CTIF: variants seen among roughly 807,000 people sequenced by gnomAD.
The protein encoded by CTIF is CBP80/20-dependent translation initiation factor.
Under a neutral mutation model 66.0 loss-of-function variants are expected in CTIF, and 21 were observed. That is an observed-to-expected ratio of 0.32 (90% CI 0.23 to 0.46). The LOEUF (loss-of-function observed/expected upper bound fraction) is 0.46, where lower values mean the gene tolerates loss of function less well. CTIF is among the 20% of genes least tolerant of loss of function. The probability of loss-of-function intolerance (pLI) is 1.00; values close to 1 mark genes in which losing one functional copy is unlikely to be tolerated. For synonymous variants in CTIF, 345 were observed against 326.4 expected, an observed-to-expected ratio of 1.06 and a Z score of -0.62; for missense variants, 739 against 812.7, an observed-to-expected ratio of 0.91 and a Z score of 1.10.
At chr18:48,814,849 T>G (rs2068329372) in intron 9 of CTIF, among the ~76,000 whole-genome samples, 2 of 152,164 alleles carry the variant, frequency 1.3e-5, no homozygotes, top group African/African-American at 4.8e-5. Context: ...TGTGGTCCCT[T>G]TTCACCCTGG....
chr18:48,664,351 G>A (rs567027080), intron 4 of CTIF, 96 bp from the exon 5 acceptor site: 2 of 1,120,846 alleles, frequency 1.8e-6, no homozygotes, highest in Admixed American at 3.5e-5. Flanking sequence ...CCTTTCTGCG[G>A]ATCTGCTCTG....
At chr18:48,723,336 GATGAATGA>G (rs150039010) in intron 7 of CTIF, among the ~76,000 whole-genome samples, 38 of 151,850 alleles carry the variant, frequency 2.5e-4, no homozygotes, top group African/African-American at 7.5e-4. Context: ...CATTCAAAGG[GATGAATGA>G]ATGAATGAAT....
chr18:48,662,101 G>C (rs1413492223), intron 3 of CTIF: 1 of 152,326 alleles, frequency 6.6e-6, no homozygotes, highest in African/African-American at 2.4e-5. Flanking sequence ...AGGGCAGAGC[G>C]AGGTGACTGC....
At chr18:48,614,638 T>C (rs560582094) in intron 1 of CTIF, among the ~76,000 whole-genome samples, 1 of 152,350 alleles carries the variant, frequency 6.6e-6, no homozygotes, top group South Asian at 2.1e-4. Context: ...TATTGCATGA[T>C]TCCTCTTATA....
intron 6 of CTIF, among the ~76,000 whole-genome samples, chr18:48,709,400 G>A (rs1408033586): frequency 6.6e-6 from 1 of 152,282 alleles, no homozygotes; most frequent in East Asian, 1.9e-4. Flanking sequence ...GACAGGGTTA[G>A]CTCCCCATGG....
At chr18:48,581,009 C>T (rs999984333) in intron 1 of CTIF, among the ~76,000 whole-genome samples, 1 of 152,172 alleles carries the variant, frequency 6.6e-6, no homozygotes, top group East Asian at 1.9e-4. Context: ...CAGTACTGCC[C>T]GGGGGCTGTC....
At chr18:48,666,901 C>A (rs1252925489) in intron 5 of CTIF, among the ~76,000 whole-genome samples, 2 of 152,172 alleles carry the variant, frequency 1.3e-5, no homozygotes, top group African/African-American at 2.4e-5. Context: ...CTCAGTGGGT[C>A]AGCTTCAGGA....
intron 2 of CTIF, among the ~76,000 whole-genome samples, chr18:48,631,165 C>T (rs2144567422): frequency 6.6e-6 from 1 of 152,326 alleles, no homozygotes; most frequent in African/African-American, 2.4e-5. Context: ...CTTTCCCAAT[C>T]TCTGCTCATA....
chr18:48,644,771 G>T (rs960196410), intron 3 of CTIF, among the ~76,000 whole-genome samples: 1 of 152,214 alleles, frequency 6.6e-6, no homozygotes, highest in South Asian at 2.1e-4. Context: ...GTAGGCTGGT[G>T]TCCGCACAGG....
chr18:48,672,970 C>T (rs899036441), intron 6 of CTIF, among the ~76,000 whole-genome samples: 21 of 152,152 alleles, frequency 1.4e-4, no homozygotes, highest in Non-Finnish European at 2.8e-4. Flanking sequence ...CACCAGCAGG[C>T]GGTTCCCTCT....
chr18:48,569,217 G>A (rs1176945328), intron 1 of CTIF, among the ~76,000 whole-genome samples: 1 of 152,152 alleles, frequency 6.6e-6, no homozygotes, highest in South Asian at 2.1e-4. Context: ...TACGAATTTG[G>A]TGAGTTCACA....
At chr18:48,692,338 A>AAAAAAC (rs1491151016) in intron 6 of CTIF, among the ~76,000 whole-genome samples, 3 of 75,124 alleles carry the variant, frequency 4.0e-5, no homozygotes, top group African/African-American at 1.6e-4. Flanking sequence ...AACAAAAAAC[A>AAAAAAC]AAAAAAAAAA....
At chr18:48,557,221 G>A (rs374703496) in intron 1 of CTIF, among the ~76,000 whole-genome samples, 136 of 152,208 alleles carry the variant, frequency 8.9e-4, no homozygotes, top group African/African-American at 3.2e-3. Flanking sequence ...AAGGCCCCCT[G>A]CAAAACTTGT....
chr18:48,756,362 T>G (rs909567181), intron 7 of CTIF: 2 of 152,178 alleles, frequency 1.3e-5, no homozygotes, highest in Non-Finnish European at 2.9e-5. Context: ...AAAAAAATAA[T>G]GCATTTAACC....
intron 2 of CTIF, chr18:48,621,591 A>C: frequency 2.6e-6 from 1 of 381,682 alleles, no homozygotes. Flanking sequence ...CCAGGAGGGG[A>C]GTCGAGGGAG....
chr18:48,566,161 CAGTG>C (rs2089275628), intron 1 of CTIF: 1 of 152,252 alleles, frequency 6.6e-6, no homozygotes, highest in Non-Finnish European at 1.5e-5. Context: ...ACTACTTTCT[CAGTG>C]AGTGTCAGTG....
At chr18:48,851,017 C>T (rs1159737166) in intron 10 of CTIF, among the ~76,000 whole-genome samples, 1 of 152,242 alleles carries the variant, frequency 6.6e-6, no homozygotes, top group African/African-American at 2.4e-5. Flanking sequence ...TGCAAGAGGG[C>T]CTCTCGCACA....
intron 7 of CTIF, among the ~76,000 whole-genome samples, chr18:48,733,394 G>A (rs2092472534): frequency 6.6e-6 from 1 of 152,206 alleles, no homozygotes; most frequent in Admixed American, 6.5e-5. Flanking sequence ...CGCAGCCTGA[G>A]TGTTGAATAG....
At chr18:48,719,771 A>G (rs192712656) in intron 7 of CTIF, among the ~76,000 whole-genome samples, 1 of 152,098 alleles carries the variant, frequency 6.6e-6, no homozygotes, top group East Asian at 1.9e-4. Flanking sequence ...TTCCTTGGTG[A>G]ATTTGCTATT....
Sources: allele counts gnomAD v4.1 joint callset (sites outside exome capture counted in the v4.1 genomes callset), GRCh38; gene constraint gnomAD v4.1.1; transcripts MANE v1.5; gene names NCBI Gene and HGNC (gene_info 2026-07-23, HGNC 2026-07-21).